Variants in GNPNAT1 observed in about 807,000 individuals in gnomAD.
GNPNAT1 encodes the protein glucosamine 6-phosphate N-acetyltransferase.
In GNPNAT1, 11 loss-of-function variants were observed where a neutral mutation model predicts 19.8. That is an observed-to-expected ratio of 0.56 (90% confidence interval 0.35 to 0.92). The LOEUF is 0.92. Among genes scored for constraint, GNPNAT1 ranks in the 40% least tolerant of loss-of-function variants. The probability of loss-of-function intolerance (pLI) is 0.01; values close to 1 mark genes in which losing one functional copy is unlikely to be tolerated. For missense variants in GNPNAT1, 157 were observed against 211.0 expected, an observed-to-expected ratio of 0.74 and a Z score of 1.59; for synonymous variants, 71 against 72.3, an observed-to-expected ratio of 0.98 and a Z score of 0.09.
intron 1 of GNPNAT1, among the ~76,000 whole-genome samples, chr14:52,789,986 C>CAAAAAAAAA (rs200756037): frequency 3.0e-4 from 32 of 106,914 alleles, no homozygotes; most frequent in Middle Eastern, 5.0e-3. Context: ...TCCAGAAGGA[C>CAAAAAAAAA]AAAAAAAAAA....
chr14:52,779,665 G>A lies in GNPNAT1; in HGVS notation c.407+1014C>T, dbSNP rs1226046442. Among the ~76,000 whole-genome samples the A allele has an allele frequency of 2.9e-5, 4 of 138,034 alleles. No homozygotes were observed. In the Admixed American group the frequency reaches 3.2e-4, roughly 11 times the overall value. The allele number at this position is 138,034 out of a possible 152,430, so 90.6% of individuals were successfully genotyped here. A position where few individuals can be genotyped will look rare whatever the true frequency, so the allele number is the denominator to read the frequency against. ...AGCCCCAGAAATTCAAGGCTGCAGTGAGCTGTGATCGTACCACTGTATACT... is the reference window on the plus strand; with the variant it reads ...AGCCCCAGAAATTCAAGGCTGCAGTAAGCTGTGATCGTACCACTGTATACT... On this transcript the variant is annotated intron_variant, in intron 5 of 5. Coordinates refer to ENST00000216410, the MANE Select transcript of GNPNAT1 (RefSeq NM_198066.4).
chr14:52,783,324 A>G (rs529348532), intron 3 of GNPNAT1, 99 bp downstream of exon 3: 26 of 713,632 alleles, frequency 3.6e-5, no homozygotes, highest in African/African-American at 3.6e-4. Context: ...AATAATTTCC[A>G]GCTATTTGAA....
At chr14:52,784,227 A>G (rs1882958750) in intron 2 of GNPNAT1, among the ~76,000 whole-genome samples, 1 of 152,206 alleles carries the variant, frequency 6.6e-6, no homozygotes, top group African/African-American at 2.4e-5. Context: ...GTCATCATAC[A>G]TGATAATTTA....
intron 1 of GNPNAT1, among the ~76,000 whole-genome samples, chr14:52,787,006 A>C (rs1883038801): frequency 6.6e-6 from 1 of 151,754 alleles, no homozygotes; most frequent in African/African-American, 2.4e-5. Context: ...TTTACACAAT[A>C]TTTTAAATAA....
chr14:52,779,023 A>G (rs1882814371), intron 5 of GNPNAT1, among the ~76,000 whole-genome samples: 2 of 152,122 alleles, frequency 1.3e-5, no homozygotes, highest in Non-Finnish European at 2.9e-5. Context: ...CTTGAAAAAG[A>G]AAAACGAATT....
chr14:52,785,049 CTGAG>C (rs1265047846), intron 1 of GNPNAT1, among the ~76,000 whole-genome samples: 7 of 151,594 alleles, frequency 4.6e-5, no homozygotes, highest in Admixed American at 2.6e-4. Context: ...TTTCAGCCTC[CTGAG>C]TATCTGGGAT....
chr14:52,778,261 G>A lies in GNPNAT1; in HGVS notation c.*50C>T, dbSNP rs1442543447. The A allele has an allele frequency of 2.2e-6, 3 of 1,380,510 alleles. No homozygotes were observed. The South Asian group carries it at 4.5e-5, about 21-fold the overall frequency. 85.5% of individuals were successfully genotyped at this position (1,380,510 alleles called of 1,614,324 possible). A position where few individuals can be genotyped will look rare whatever the true frequency, so the allele number is the denominator to read the frequency against. On this transcript the variant is annotated 3_prime_UTR_variant, in exon 6 of 6. Transcript: ENST00000216410. ...CAACAAAATATTTCAACTCTAGGAA[G>A]AGTGTAGCCTTGTAGCATTAGCCCC...
In GNPNAT1 at chr14:52,783,457, T is replaced by C; in HGVS notation, c.183A>G (p.Thr61=). 6.2e-7 allele frequency: 1 copy of C among 1,611,124 alleles called. No individual in the cohort carries two copies. Among genetic ancestry groups the C allele is most frequent in the Non-Finnish European group, 8.5e-7 (1 of 1,177,528 alleles). The change falls in exon 3 of 6, where the codon ACA becomes ACG. Residue 61 remains threonine, a synonymous_variant. Coordinates refer to ENST00000216410, the MANE Select transcript of GNPNAT1 (RefSeq NM_198066.4). ...GTTCAGGGCTGACAACTCCAGTCTC[T>C]GTTAGCTGACCCAATACCTTAAAAA... ...RGFFKVLGQL[T]ETGVVSPEQF...
intron 3 of GNPNAT1, 30 bp downstream of exon 3, chr14:52,783,393 A>G: frequency 6.9e-7 from 1 of 1,454,780 alleles, no homozygotes; most frequent in East Asian, 2.3e-5. Flanking sequence ...GTTTCCCTTT[A>G]TTTCAGGAAA....
Position 52,791,254 on chromosome 14 carries a change from C to A in GNPNAT1, c.-15+174G>T, listed in dbSNP as rs1883168935. On this transcript the variant is annotated intron_variant, in intron 1 of 5. Transcript: ENST00000216410. This position sits in a 1 kb window ranked among gnomAD's most constrained non-coding sequence, Gnocchi z 4.1. ...CGTTCAACTTCCTGGGAACCGCGCT[C>A]CACACCATGTGCACCCAGCTGGCGA... Among the ~76,000 whole-genome samples the A allele has an allele frequency of 6.6e-6, 1 of 152,098 alleles. No individual in the cohort carries two copies. The highest frequency in any genetic ancestry group is 1.5e-5 in the Non-Finnish European group (1 of 68,016).
intron 1 of GNPNAT1, among the ~76,000 whole-genome samples, chr14:52,786,857 A>AT (rs567085170): frequency 0.04 from 3,966 of 98,152 alleles, 255 homozygotes; most frequent in Non-Finnish European, 0.049. Flanking sequence ...CAGGTTTTGG[A>AT]TTTTTTTTTT....
intron 5 of GNPNAT1, among the ~76,000 whole-genome samples, chr14:52,780,215 T>A (rs1882859439): frequency 6.6e-6 from 1 of 152,176 alleles, no homozygotes; most frequent in African/African-American, 2.4e-5. Context: ...CAAGTTCTTA[T>A]AAAATGGCAA....
chr14:52,789,581 A>C (rs1883105046), intron 1 of GNPNAT1, among the ~76,000 whole-genome samples: 1 of 152,194 alleles, frequency 6.6e-6, no homozygotes, highest in African/African-American at 2.4e-5. Flanking sequence ...TCAAACCGTA[A>C]AATTCTGCTG....
intron 1 of GNPNAT1, among the ~76,000 whole-genome samples, chr14:52,785,450 C>T (rs185041977): frequency 4.8e-4 from 73 of 151,766 alleles, no homozygotes; most frequent in African/African-American, 1.7e-3. Flanking sequence ...CAGCTGTGCA[C>T]GGTGGCTCAC....
rs1431818197 is a variant in GNPNAT1, at chr14:52,781,774, CA to C, written c.345+9del. 1 of 1,572,726 alleles carries C rather than the reference CA, an allele frequency of 6.4e-7. No homozygotes were observed. The highest frequency in any genetic ancestry group is 2.4e-5 in the East Asian group (1 of 42,402). The stretch of plus-strand genomic sequence containing the variant: ...AACAGCTGTCCATTTTATTTATAAG[CA>C]GCACATACCTTAGCACAGGAATGGA... On this transcript the variant is annotated intron_variant, in intron 4 of 5. Coordinates refer to ENST00000216410, the MANE Select transcript of GNPNAT1 (RefSeq NM_198066.4).
At chr14:52,790,010 T>C (rs1408197121) in intron 1 of GNPNAT1, among the ~76,000 whole-genome samples, 1 of 135,668 alleles carries the variant, frequency 7.4e-6, no homozygotes, top group African/African-American at 2.8e-5. Flanking sequence ...AAAAAAAAAA[T>C]TCCCAAACTG....
intron 4 of GNPNAT1, among the ~76,000 whole-genome samples, chr14:52,781,475 A>G (rs1882893561): frequency 6.6e-6 from 1 of 152,118 alleles, no homozygotes. Flanking sequence ...CCATGTGGAA[A>G]CAAATTTATG....
At chr14:52,787,726 C>T (rs1328021375) in intron 1 of GNPNAT1, 1 of 152,090 alleles carries the variant, frequency 6.6e-6, no homozygotes, top group Non-Finnish European at 1.5e-5. Flanking sequence ...TGTATGCAGT[C>T]ATGCACTTAG....
chr14:52,781,704 A>G (rs1882897865), intron 4 of GNPNAT1, 80 bp downstream of exon 4: 1 of 1,351,044 alleles, frequency 7.4e-7, no homozygotes, highest in Non-Finnish European at 1.0e-6. Flanking sequence ...AATCAATGAG[A>G]AAACAGATTT....
Sources: gnomAD v4.1 joint callset for allele counts (sites outside exome capture counted in the v4.1 genomes callset) on GRCh38, gnomAD v4.1.1 for gene constraint, Gnocchi (gnomAD v3.1) non-coding constraint, MANE v1.5 for transcripts, NCBI Gene and HGNC (gene_info 2026-07-23, HGNC 2026-07-21) for gene names.